The following CDH12 variants were observed in gnomAD, a reference collection of about 807,000 sequenced individuals.
The protein encoded by CDH12 is cadherin-12.
In CDH12, 41 loss-of-function variants were observed where a neutral mutation model predicts 74.1. The ratio of observed to expected loss-of-function variants is 0.55; its 90% confidence interval spans 0.43 to 0.72. The LOEUF (loss-of-function observed/expected upper bound fraction) is 0.72. Among genes scored for constraint, CDH12 ranks in the 30% least tolerant of loss-of-function variants. The pLI, the probability that CDH12 is intolerant of heterozygous loss-of-function variation, is 0.00. For missense variants in CDH12, 945 were observed against 977.2 expected (o/e 0.97, Z 0.44); for synonymous variants, 399 against 355.0 (o/e 1.12, Z -1.39).
intron 13 of CDH12, among the ~76,000 whole-genome samples, chr5:21,757,441 G>C (rs751364047): frequency 1.8e-4 from 27 of 152,220 alleles, no homozygotes; most frequent in Non-Finnish European, 2.1e-4. Context: ...CTCCCAAAGT[G>C]AGCCACCGCA....
At chr5:22,019,629 A>T (rs1737837122) in intron 5 of CDH12, among the ~76,000 whole-genome samples, 1 of 152,320 alleles carries the variant, frequency 6.6e-6, no homozygotes, top group Middle Eastern at 3.4e-3. Context: ...GGCCCTCGCC[A>T]TGAACCAAAC....
At position 21,845,741 on chromosome 5, in the gene CDH12, T is replaced by C. The variant is rs150840331; in HGVS notation, c.647-3413A>G. 3.5e-4 allele frequency among the ~76,000 whole-genome samples: 54 copies of C among 152,204 alleles called. 2 individuals carry two copies. In the East Asian group the frequency reaches 0.01, roughly 29 times the overall value. On this transcript the variant is annotated intron_variant, in intron 7 of 14. Transcript: ENST00000382254. ...TTTAGGACAGAGAGAAGTTCTTTTA[T>C]TTTCTTTTCTAATTCTGGCATCTAG...
chr5:21,920,670 G>GATA (rs70957078), intron 6 of CDH12, among the ~76,000 whole-genome samples: 2 of 147,748 alleles, frequency 1.4e-5, no homozygotes, highest in South Asian at 4.2e-4. Context: ...CTTAAAGTAT[G>GATA]ATAATAATAA....
chr5:22,252,678 C>A (rs1233873414), intron 3 of CDH12, among the ~76,000 whole-genome samples: 1 of 151,970 alleles, frequency 6.6e-6, no homozygotes, highest in Non-Finnish European at 1.5e-5. Context: ...AAGATTACTG[C>A]AACAGCGTGA....
At chr5:21,782,634 T>C (rs1045265160) in intron 11 of CDH12, among the ~76,000 whole-genome samples, 4 of 152,160 alleles carry the variant, frequency 2.6e-5, no homozygotes, top group African/African-American at 9.6e-5. Flanking sequence ...GTAAAAGGAA[T>C]GGGGAGCTGC....
In CDH12 at chr5:22,097,212, C is replaced by G. The variant is rs1018361533; in HGVS notation, c.-186-18350G>C. Among the ~76,000 whole-genome samples the G allele has an allele frequency of 1.4e-4, 21 of 152,132 alleles. 2 individuals are homozygous for G. Among genetic ancestry groups the G allele is most frequent in the Admixed American group, 1.4e-3 (21 of 15,284 alleles). ...ATCTGTGTAGGACCCCACTGAAAAT[C>G]AGACTGTTCAACTCACCTGGCAGCC... On this transcript the variant is annotated intron_variant, in intron 4 of 14. Transcript: ENST00000382254.
chr5:22,723,129 A>C (rs2126992443), intron 1 of CDH12, among the ~76,000 whole-genome samples: 1 of 152,304 alleles, frequency 6.6e-6, no homozygotes, highest in South Asian at 2.1e-4. Flanking sequence ...AAGGGTTATA[A>C]GGCTTTCATT....
intron 8 of CDH12, among the ~76,000 whole-genome samples, chr5:21,822,585 T>C (rs1748431977): frequency 6.6e-6 from 1 of 152,076 alleles, no homozygotes; most frequent in African/African-American, 2.4e-5. Flanking sequence ...AGCTGGATTT[T>C]AGTCAAGCAT....
At chr5:22,038,972 G>A (rs1739380628) in intron 5 of CDH12, among the ~76,000 whole-genome samples, 1 of 152,080 alleles carries the variant, frequency 6.6e-6, no homozygotes, top group African/African-American at 2.4e-5. Flanking sequence ...ATTCTTCCCG[G>A]GGAGTTAAAT....
intron 1 of CDH12, among the ~76,000 whole-genome samples, chr5:22,771,542 A>G (rs1329607006): frequency 6.6e-6 from 1 of 152,136 alleles, no homozygotes; most frequent in South Asian, 2.1e-4. Flanking sequence ...TATTACTCCT[A>G]TAACTGAAAA....
At position 22,680,069 on chromosome 5, in the gene CDH12, A is replaced by T. The variant is rs187955648; in HGVS notation, c.-523+172989T>A. On this transcript the variant is annotated intron_variant, in intron 1 of 14. Coordinates refer to ENST00000382254, the MANE Select transcript of CDH12 (RefSeq NM_004061.5). ...CTTTGATGAGTGCCATCTTGGAAGG[A>T]TATAAACAATACAGTTGTAGTCACC... Among the ~76,000 whole-genome samples the T allele has an allele frequency of 4.6e-5, 7 of 152,196 alleles. No individual in the cohort carries two copies. The East Asian group carries it at 1.4e-3, about 30-fold the overall frequency.
At chr5:22,077,809 C>T (rs2150224658) in intron 5 of CDH12, among the ~76,000 whole-genome samples, 1 of 152,102 alleles carries the variant, frequency 6.6e-6, no homozygotes, top group East Asian at 1.9e-4. Context: ...ATTTAAATTG[C>T]ATGCTCTGTT....
At chr5:22,065,570 C>T (rs184073652) in intron 5 of CDH12, among the ~76,000 whole-genome samples, 43 of 152,134 alleles carry the variant, frequency 2.8e-4, no homozygotes, top group South Asian at 2.3e-3. Context: ...ACATTGGTAA[C>T]GCTAGAATGG....
rs531715200 is a variant in CDH12, at chr5:22,706,356, T to C, written c.-523+146702A>G. 1.4e-4 allele frequency among the ~76,000 whole-genome samples: 22 copies of C among 152,200 alleles called. 1 individual carries two copies. Among genetic ancestry groups the C allele is most frequent in the Admixed American group, 1.4e-3 (21 of 15,268 alleles). ...ATTTTAGTATTTATAAACATATCTA[T>C]ATAAGGATTCATAAATCATAATTCA... On this transcript the variant is annotated intron_variant, in intron 1 of 14. Transcript: ENST00000382254.
At chr5:21,774,753 G>A (rs950887934) in intron 11 of CDH12, among the ~76,000 whole-genome samples, 6 of 152,146 alleles carry the variant, frequency 3.9e-5, no homozygotes, top group Non-Finnish European at 7.4e-5. Context: ...CGAAAAATAA[G>A]AGGAAAGCAA....
intron 4 of CDH12, among the ~76,000 whole-genome samples, chr5:22,206,427 C>T (rs1751220825): frequency 1.3e-5 from 2 of 151,972 alleles, no homozygotes; most frequent in South Asian, 4.2e-4. Context: ...AGGCCACATT[C>T]TTATATATTC....
rs187849018 is a variant in CDH12, at chr5:22,150,071, A to G, written c.-187+62427T>C. Among the ~76,000 whole-genome samples the G allele has an allele frequency of 9.3e-4, 142 of 152,272 alleles. 1 individual carries two copies. The highest frequency in any genetic ancestry group is 2.0e-3 in the Admixed American group (30 of 15,286). The stretch of plus-strand genomic sequence containing the variant: ...AAATATTTCATTCAAGTACGTACAC[A>G]TTAGTACATGGTTTCAATGATCGTT... On this transcript the variant is annotated intron_variant, in intron 4 of 14. Transcript: ENST00000382254.
intron 3 of CDH12, among the ~76,000 whole-genome samples, chr5:22,281,511 A>T (rs1736881996): frequency 6.6e-6 from 1 of 152,210 alleles, no homozygotes; most frequent in Non-Finnish European, 1.5e-5. Flanking sequence ...TAAGCTGATA[A>T]GCAACTTCAA....
At chr5:22,607,792 C>T (rs746685575) in intron 1 of CDH12, among the ~76,000 whole-genome samples, 1 of 152,236 alleles carries the variant, frequency 6.6e-6, no homozygotes, top group Non-Finnish European at 1.5e-5. Context: ...AAGAGGCCAA[C>T]GTACAGCTCA....
Sources: gnomAD v4.1 joint callset for allele counts (sites outside exome capture counted in the v4.1 genomes callset) on GRCh38, gnomAD v4.1.1 for gene constraint, MANE v1.5 for transcripts, NCBI Gene and HGNC (gene_info 2026-07-23, HGNC 2026-07-21) for gene names.